Variants in IFT52 observed in about 807,000 individuals in gnomAD.
IFT52 encodes the protein intraflagellar transport protein 52 homolog.
IFT52 carries 44 observed loss-of-function variants against 54.4 expected under a neutral mutation model. That is an observed-to-expected ratio of 0.81 (90% CI 0.63 to 1.04). The LOEUF (loss-of-function observed/expected upper bound fraction) is 1.04. IFT52 is among the 50% of genes least tolerant of loss of function. The probability of loss-of-function intolerance (pLI) is 0.00; values close to 1 mark genes in which losing one functional copy is unlikely to be tolerated. For synonymous variants in IFT52, 181 were observed against 185.3 expected, an observed-to-expected ratio of 0.98 and a Z score of 0.19; for missense variants, 452 against 523.6, an observed-to-expected ratio of 0.86 and a Z score of 1.33.
At chr20:43,595,145 C>T (rs999896686) in intron 2 of IFT52, among the ~76,000 whole-genome samples, 3 of 151,480 alleles carry the variant, frequency 2.0e-5, no homozygotes, top group African/African-American at 4.9e-5. Flanking sequence ...GAAACCCCAT[C>T]GCTACTAAAA....
At chr20:43,605,237 C>A in intron 6 of IFT52, 164 bp downstream of exon 6, 2 of 1,413,322 alleles carry the variant, frequency 1.4e-6, no homozygotes, top group Admixed American at 3.0e-5. Flanking sequence ...GCTCCTCCCC[C>A]TGAAGGTAGT....
chr20:43,607,121 T>G (rs992350847), intron 6 of IFT52, among the ~76,000 whole-genome samples: 7 of 151,988 alleles, frequency 4.6e-5, no homozygotes, highest in Non-Finnish European at 8.8e-5. Context: ...ACTGGGTGGT[T>G]GCCAGGCAGA....
At chr20:43,626,952 G>A (rs1279675510) in intron 10 of IFT52, among the ~76,000 whole-genome samples, 1 of 152,040 alleles carries the variant, frequency 6.6e-6, no homozygotes, top group Non-Finnish European at 1.5e-5. Flanking sequence ...ATCACTTGAG[G>A]CCAGGAGTTT....
At chr20:43,646,405 C>T (rs773467371) in intron 13 of IFT52, among the ~76,000 whole-genome samples, 26 of 152,172 alleles carry the variant, frequency 1.7e-4, no homozygotes, top group Non-Finnish European at 2.1e-4. Flanking sequence ...TTACTCTCCA[C>T]GTCTAGCATG....
intron 3 of IFT52, among the ~76,000 whole-genome samples, chr20:43,598,435 C>T (rs1982171574): frequency 6.6e-6 from 1 of 152,148 alleles, no homozygotes; most frequent in East Asian, 1.9e-4. Flanking sequence ...TGGCTAACAC[C>T]TGTAATCCCA....
intron 10 of IFT52, among the ~76,000 whole-genome samples, chr20:43,631,720 A>T (rs1370420503): frequency 1.3e-5 from 2 of 152,118 alleles, no homozygotes; most frequent in African/African-American, 2.4e-5. Context: ...CGCTCCTAAC[A>T]CTGATCCTCT....
chr20:43,601,771 G>A (rs574569654), intron 3 of IFT52, among the ~76,000 whole-genome samples: 13 of 152,310 alleles, frequency 8.5e-5, no homozygotes, highest in South Asian at 6.2e-4. Context: ...GGGCTGTCTG[G>A]GAAGAGGAGT....
chr20:43,634,531 A>G (rs1018924777), intron 10 of IFT52, among the ~76,000 whole-genome samples: 2 of 152,200 alleles, frequency 1.3e-5, no homozygotes, highest in African/African-American at 4.8e-5. Flanking sequence ...ATACGTTAAC[A>G]TATTCTGATC....
At chr20:43,639,921 A>G (rs1027581654) in intron 12 of IFT52, among the ~76,000 whole-genome samples, 12 of 152,134 alleles carry the variant, frequency 7.9e-5, no homozygotes, top group African/African-American at 1.7e-4. Context: ...CACACCTATA[A>G]TCCCAGCACT....
intron 6 of IFT52, among the ~76,000 whole-genome samples, chr20:43,611,015 T>A (rs1247258257): frequency 6.6e-6 from 1 of 152,052 alleles, no homozygotes; most frequent in Non-Finnish European, 1.5e-5. Flanking sequence ...GTTGAAAGCC[T>A]AGTGCCCTAC....
intron 10 of IFT52, 45 bp from the exon 11 acceptor site, chr20:43,635,881 C>G (rs901088598): frequency 6.5e-7 from 1 of 1,543,564 alleles, no homozygotes; most frequent in Non-Finnish European, 9.0e-7. Flanking sequence ...ACGTGCTGAG[C>G]TATAGTGTCT....
intron 2 of IFT52, among the ~76,000 whole-genome samples, chr20:43,595,868 CAGAG>C (rs1405355928): frequency 6.6e-6 from 1 of 152,026 alleles, no homozygotes; most frequent in Non-Finnish European, 1.5e-5. Flanking sequence ...GCCTGGGAAA[CAGAG>C]GGAGACTCTG....
At chr20:43,607,108 C>T (rs1982964765) in intron 6 of IFT52, among the ~76,000 whole-genome samples, 2 of 152,242 alleles carry the variant, frequency 1.3e-5, no homozygotes, top group African/African-American at 4.8e-5. Context: ...GTACACCTCC[C>T]AGACTGGGTG....
intron 13 of IFT52, among the ~76,000 whole-genome samples, chr20:43,646,069 C>T (rs143444953): frequency 0.082 from 12,282 of 150,614 alleles, 661 homozygotes; most frequent in South Asian, 0.23. Flanking sequence ...AAATTAGCCG[C>T]GCGTGGTGGC....
chr20:43,605,046 A>G lies in IFT52; in HGVS notation c.458A>G (p.Asp153Gly). 6.2e-7 allele frequency: 1 copy of G among 1,613,826 alleles called. No homozygotes were observed. The highest frequency in any genetic ancestry group is 1.3e-5 in the African/African-American group (1 of 75,040). Residue 153 changes from aspartate to glycine, a missense_variant, in exon 6 of 14, where the codon GAT (aspartate) becomes GGT (glycine). Physicochemically the swap from Asp to Gly is moderately conservative, Grantham distance 94 (BLOSUM62 -1). Coordinates refer to ENST00000373030, the MANE Select transcript of IFT52 (RefSeq NM_016004.5). Reference protein sequence around the residue: ...AAGKAVPGIIDEESSGNNAQA... With the variant: ...AAGKAVPGIIGEESSGNNAQA... ...GGAAAGGCTGTGCCTGGGATCATTG[A>G]TGAGGAAAGCAGTGGAAACAATGCC...
chr20:43,618,513 G>A (rs1275986518), intron 7 of IFT52, among the ~76,000 whole-genome samples: 1 of 151,596 alleles, frequency 6.6e-6, no homozygotes, highest in South Asian at 2.1e-4. Flanking sequence ...ATGGAGTCTC[G>A]CTCTGTTGCC....
chr20:43,615,618 A>G (rs1349245428), intron 7 of IFT52, among the ~76,000 whole-genome samples: 1 of 151,988 alleles, frequency 6.6e-6, no homozygotes, highest in African/African-American at 2.4e-5. Context: ...AGCTTGGCCA[A>G]CGTGATGAAA....
At position 43,596,422 on chromosome 20, in the gene IFT52, A is replaced by C; in HGVS notation, c.120-13A>C. The C allele has an allele frequency of 6.6e-7, 1 of 1,525,006 alleles. No individual in the cohort carries two copies. Among genetic ancestry groups the C allele is most frequent in the Non-Finnish European group, 9.0e-7 (1 of 1,106,798 alleles). The allele number at this position is 1,525,006 out of a possible 1,614,324, so 94.5% of individuals were successfully genotyped here. A position where few individuals can be genotyped will look rare whatever the true frequency, so the allele number is the denominator to read the frequency against. The stretch of plus-strand genomic sequence containing the variant: ...TATGGACTTCATATTTGCTTTTAAA[A>C]TTGTATTTCCAGCTTAAAAGATGAA... On this transcript the variant is annotated splice_polypyrimidine_tract_variant and intron_variant, in intron 2 of 13. Coordinates refer to ENST00000373030, the MANE Select transcript of IFT52 (RefSeq NM_016004.5).
intron 3 of IFT52, among the ~76,000 whole-genome samples, chr20:43,597,459 T>C (rs1443104116): frequency 1.3e-5 from 2 of 151,922 alleles, no homozygotes; most frequent in Non-Finnish European, 2.9e-5. Context: ...GAATGATAAA[T>C]GTAAGGCCCA....
Sources: allele counts gnomAD v4.1 joint callset (sites outside exome capture counted in the v4.1 genomes callset), GRCh38; gene constraint gnomAD v4.1.1; transcripts MANE v1.5; gene names NCBI Gene and HGNC (gene_info 2026-07-23, HGNC 2026-07-21).